HSPA4: variants seen among roughly 807,000 people sequenced by gnomAD.
HSPA4 encodes heat shock 70 kDa protein 4.
In HSPA4, 25 loss-of-function variants were observed where a neutral mutation model predicts 106.2. The ratio of observed to expected loss-of-function variants is 0.24; its 90% CI spans 0.17 to 0.33. The LOEUF (loss-of-function observed/expected upper bound fraction) is 0.33. HSPA4 is among the 10% of genes least tolerant of loss of function. HSPA4 has a pLI of 1.00. For synonymous variants in HSPA4, 332 were observed against 333.6 expected (o/e 1.00, Z 0.05); for missense variants, 841 against 996.0 (o/e 0.84, Z 2.10).
intron 1 of HSPA4, among the ~76,000 whole-genome samples, chr5:133,056,630 T>C (rs1332796933): frequency 6.6e-6 from 1 of 152,254 alleles, no homozygotes; most frequent in East Asian, 1.9e-4. Context: ...TTCTAACTTT[T>C]TGCTGTTACA....
At chr5:133,078,408 G>A (rs1765472260) in intron 7 of HSPA4, among the ~76,000 whole-genome samples, 1 of 151,752 alleles carries the variant, frequency 6.6e-6, no homozygotes, top group South Asian at 2.1e-4. Flanking sequence ...TGGGAGGCAG[G>A]TGCATCACTT....
intron 7 of HSPA4, among the ~76,000 whole-genome samples, chr5:133,085,488 C>CT (rs1765565819): frequency 4.4e-5 from 3 of 68,054 alleles, no homozygotes; most frequent in African/African-American, 2.9e-4. Context: ...CCCATCTCTA[C>CT]TAAAAAAAAA....
In HSPA4 at chr5:133,067,537, A is replaced by G; in HGVS notation, c.286A>G (p.Thr96Ala). 1.2e-6 allele frequency: 2 copies of G among 1,613,266 alleles called. No homozygotes were observed. Among genetic ancestry groups the G allele is most frequent in the Non-Finnish European group, 8.5e-7 (1 of 1,179,588 alleles). ...NLAYDIVQLP[T>A]GLTGIKVTYM... ...TGCATATGATATTGTGCAGTTGCCT[A>G]CAGGATTAACAGGTATAAAGGTAAG... The change falls in exon 3 of 19, where the codon ACA (threonine) becomes GCA (alanine). Residue 96 changes from threonine to alanine, a missense_variant. Coordinates refer to ENST00000304858, the MANE Select transcript of HSPA4 (RefSeq NM_002154.4).
intron 1 of HSPA4, among the ~76,000 whole-genome samples, chr5:133,057,922 AATG>A (rs1332637050): frequency 1.3e-5 from 2 of 152,240 alleles, no homozygotes; most frequent in Non-Finnish European, 2.9e-5. Flanking sequence ...CAGTAAATAG[AATG>A]AGTCCAATTA....
intron 5 of HSPA4, 98 bp downstream of exon 5, chr5:133,073,427 C>T (rs1339300813): frequency 6.6e-6 from 5 of 753,248 alleles, no homozygotes; most frequent in Middle Eastern, 2.4e-4. Context: ...TTGCTTTCAG[C>T]ACTGCTGCTC....
At chr5:133,070,584 G>A (rs1765368450) in intron 4 of HSPA4, 88 bp downstream of exon 4, 1 of 1,471,644 alleles carries the variant, frequency 6.8e-7, no homozygotes, top group Non-Finnish European at 9.4e-7. Context: ...TTGTTTTTTT[G>A]TCTCAGGTTG....
In HSPA4 at chr5:133,086,832, C is replaced by T; in HGVS notation, c.959C>T (p.Pro320Leu). ...GATCTCTTAGCTAGAGTGGAGCCAC[C>T]ACTTCGTAGTGTTTTGGAACAAACC... is the stretch of plus-strand genomic sequence containing the variant. ...CNDLLARVEPPLRSVLEQTKL... is the reference protein window; with the variant it reads ...CNDLLARVEPLLRSVLEQTKL... Residue 320 changes from proline (P) to leucine (L), a missense_variant, in exon 8 of 19, where the codon CCA becomes CTA. Physicochemically the swap from Pro to Leu is moderately conservative, Grantham distance 98. Transcript: ENST00000304858. The T allele has an allele frequency of 6.2e-7, 1 of 1,613,382 alleles. No homozygotes were observed. The highest frequency in any genetic ancestry group is 8.5e-7 in the Non-Finnish European group (1 of 1,179,446).
In HSPA4 at chr5:133,104,593, C is replaced by G. The variant is rs14355; in HGVS notation, c.*157C>G. 0.25 allele frequency: 158,939 copies of G among 629,318 alleles called. 21,034 individuals carry two copies. The highest frequency in any genetic ancestry group is 0.31 in the African/African-American group (16,737 of 54,204). 39.0% of individuals were successfully genotyped at this position (629,318 alleles called of 1,614,324 possible). Reference sequence around the variant, plus strand: ...AAATAGGTAATGTATGGAGCATTTTCACTTCTAAATAGTTAGATACAGAAA... The same window carrying G: ...AAATAGGTAATGTATGGAGCATTTTGACTTCTAAATAGTTAGATACAGAAA... On this transcript the variant is annotated 3_prime_UTR_variant, in exon 19 of 19. Transcript: ENST00000304858.
At chr5:133,100,325 TC>T (rs1193685934) in intron 16 of HSPA4, among the ~76,000 whole-genome samples, 4 of 152,070 alleles carry the variant, frequency 2.6e-5, no homozygotes, top group Non-Finnish European at 4.4e-5. Flanking sequence ...TGCCTTGGCC[TC>T]CCGAAGTGCT....
chr5:133,087,792 T>A (rs1438519000), intron 8 of HSPA4, among the ~76,000 whole-genome samples: 1 of 152,020 alleles, frequency 6.6e-6, no homozygotes, highest in Non-Finnish European at 1.5e-5. Flanking sequence ...TCTGGCTAAT[T>A]TTTGTATTTT....
chr5:133,054,328 G>A (rs1472910438), intron 1 of HSPA4, among the ~76,000 whole-genome samples: 5 of 151,970 alleles, frequency 3.3e-5, no homozygotes, highest in African/African-American at 1.2e-4. Context: ...TCAGCCTCCC[G>A]AGTAGCTGGG....
intron 14 of HSPA4, among the ~76,000 whole-genome samples, chr5:133,096,882 A>G (rs1765719157): frequency 6.6e-6 from 1 of 152,182 alleles, no homozygotes; most frequent in East Asian, 1.9e-4. Flanking sequence ...ACATTGAACC[A>G]ATAGTTTTTT....
intron 1 of HSPA4, among the ~76,000 whole-genome samples, chr5:133,064,252 C>T (rs58821592): frequency 0.28 from 42,889 of 152,092 alleles, 6,539 homozygotes; most frequent in African/African-American, 0.38. Context: ...ACGCCTATAA[C>T]GTCAGCATTT....
chr5:133,103,064 CCTCCTT>C (rs1346976473), intron 17 of HSPA4, among the ~76,000 whole-genome samples: 1 of 149,114 alleles, frequency 6.7e-6, no homozygotes, highest in Non-Finnish European at 1.5e-5. Flanking sequence ...GTTTTTTTTT[CCTCCTT>C]CTTTTTTGTG....
intron 1 of HSPA4, among the ~76,000 whole-genome samples, chr5:133,056,221 G>A (rs1050869324): frequency 6.6e-6 from 1 of 152,194 alleles, no homozygotes; most frequent in Non-Finnish European, 1.5e-5. Flanking sequence ...ACCTGAGCAA[G>A]AAGAGCTGCA....
chr5:133,104,449 T>C lies in HSPA4; in HGVS notation c.*13T>C. The C allele has an allele frequency of 6.2e-7, 1 of 1,609,962 alleles. No individual in the cohort carries two copies. The highest frequency in any genetic ancestry group is 1.1e-5 in the South Asian group (1 of 90,910). On this transcript the variant is annotated 3_prime_UTR_variant, in exon 19 of 19. Coordinates refer to ENST00000304858, the MANE Select transcript of HSPA4 (RefSeq NM_002154.4). ...GGACATTGATTGATTCCAACACTTGTTTCTATTAAAACAGACTATTATAAA... is the reference window on the plus strand; with the variant it reads ...GGACATTGATTGATTCCAACACTTGCTTCTATTAAAACAGACTATTATAAA...
chr5:133,074,035 T>C lies in HSPA4; in HGVS notation c.572T>C (p.Leu191Ser). 6.2e-7 allele frequency: 1 copy of C among 1,607,672 alleles called. No individual in the cohort carries two copies. The highest frequency in any genetic ancestry group is 8.5e-7 in the Non-Finnish European group (1 of 1,177,230). ...YGIYKQDLPALEEKPRNVVFV... is the reference protein window; with the variant it reads ...YGIYKQDLPASEEKPRNVVFV... ...ATCTATAAGCAGGATCTTCCTGCCT[T>C]AGAAGAGAAACCAAGAAATGTAGTT... The change falls in exon 6 of 19, where the codon TTA becomes TCA. Residue 191 changes from leucine (L) to serine (S), a missense_variant. Leu to Ser is a moderately radical substitution (Grantham distance 145). Around this residue, in one of 5 missense-constraint regions of HSPA4, gnomAD observed 347 missense variants for 408.7 expected, o/e 0.85. Transcript: ENST00000304858.
intron 7 of HSPA4, among the ~76,000 whole-genome samples, chr5:133,084,884 T>C (rs1342942957): frequency 6.6e-6 from 1 of 152,130 alleles, no homozygotes; most frequent in Non-Finnish European, 1.5e-5. Context: ...CATGGCTCAC[T>C]GTAGCTTCGA....
At chr5:133,092,086 C>G (rs1765654305) in intron 12 of HSPA4, among the ~76,000 whole-genome samples, 1 of 152,164 alleles carries the variant, frequency 6.6e-6, no homozygotes, top group South Asian at 2.1e-4. Flanking sequence ...GTTTCATCCC[C>G]ACAGATTTTA....
Sources: gnomAD v4.1 joint callset for allele counts (sites outside exome capture counted in the v4.1 genomes callset) on GRCh38, gnomAD v4.1.1 for gene constraint, gnomAD v4.1.1 regional missense constraint, MANE v1.5 for transcripts, NCBI Gene and HGNC (gene_info 2026-07-23, HGNC 2026-07-21) for gene names.